Variants in C4orf50 observed in about 807,000 individuals in gnomAD.
The protein encoded by C4orf50 is chromosome 4 open reading frame 50.
In C4orf50, 80 loss-of-function variants were observed where a neutral mutation model predicts 77.2. The ratio of observed to expected loss-of-function variants is 1.04; its 90% CI spans 0.87 to 1.25. The LOEUF is 1.25. Ranked by LOEUF, C4orf50 falls within the 50% of genes most tolerant of loss-of-function variation. C4orf50 has a pLI of 0.00. For synonymous variants in C4orf50, 532 were observed against 465.3 expected (o/e 1.14, Z -1.84); for missense variants, 1,257 against 1,152.9 (o/e 1.09, Z -1.31).
At chr4:6,002,105 C>G (rs1279919008) in intron 25 of C4orf50, among the ~76,000 whole-genome samples, 1 of 152,130 alleles carries the variant, frequency 6.6e-6, no homozygotes, top group East Asian at 1.9e-4. Context: ...CAGATGTGAT[C>G]AAATTAAGGT....
chr4:5,979,245 C>A (rs1015367684), intron 29 of C4orf50, among the ~76,000 whole-genome samples: 1 of 152,100 alleles, frequency 6.6e-6, no homozygotes, highest in Non-Finnish European at 1.5e-5. Context: ...TAAAAATGTT[C>A]ATTGGAGCTG....
chr4:6,007,277 A>G lies in C4orf50; in HGVS notation c.963+719T>C, dbSNP rs533868888. 4.6e-5 allele frequency among the ~76,000 whole-genome samples: 7 copies of G among 152,270 alleles called. No homozygotes were observed. The highest frequency in any genetic ancestry group is 1.7e-4 in the African/African-American group (7 of 41,536). ...CCCACCACCACCAAATTTATGTGGA[A>G]ATCCTAATCCTCAATGTGAGGGTGT... On this transcript the variant is annotated intron_variant, in intron 25 of 33. Coordinates refer to ENST00000531445, the Ensembl canonical transcript of C4orf50. This position sits in a 1 kb window ranked among gnomAD's most constrained non-coding sequence, Gnocchi z 4.1.
At position 5,916,224 on chromosome 4, in the gene C4orf50, C is replaced by T. The variant is rs888664726; in HGVS notation, c.*2475-18036G>A. On this transcript the variant is annotated intron_variant, in intron 7 of 7. Coordinates refer to the C4orf50 transcript ENST00000324058. This position sits in a 1 kb window ranked among gnomAD's most constrained non-coding sequence, Gnocchi z 4.4. ...CCTCACTGGACAGGGAACAGACGCA[C>T]CAACAGCTCCTGGTTACTCTGGGGG... Among the ~76,000 whole-genome samples, 1 of 152,208 alleles carries T rather than the reference C, an allele frequency of 6.6e-6. No homozygotes were observed. The highest frequency in any genetic ancestry group is 6.5e-5 in the Admixed American group (1 of 15,286).
intron 31 of C4orf50, among the ~76,000 whole-genome samples, chr4:5,971,805 G>A (rs1348076656): frequency 6.6e-6 from 1 of 152,136 alleles, no homozygotes; most frequent in Non-Finnish European, 1.5e-5. Flanking sequence ...ATCATTCTCT[G>A]TAAGTTTGGT....
At chr4:5,979,267 C>T (rs1720442349) in intron 29 of C4orf50, among the ~76,000 whole-genome samples, 1 of 151,976 alleles carries the variant, frequency 6.6e-6, no homozygotes, top group Admixed American at 6.6e-5. Flanking sequence ...GTTTGTAATG[C>T]AAAGAAATGG....
rs948088478 is a variant in C4orf50, at chr4:5,905,537, C to A, written c.*2475-7349G>T. On this transcript the variant is annotated intron_variant, in intron 7 of 7. Coordinates refer to the C4orf50 transcript ENST00000324058. The surrounding 1 kb of genome is among the most constrained non-coding windows in gnomAD (Gnocchi z 5.4). Reference sequence around the variant, plus strand: ...ACATGAAGCCATCCACATGCACACACCTTTACGTCACTGGGAGACCCACTT... The same window carrying A: ...ACATGAAGCCATCCACATGCACACAACTTTACGTCACTGGGAGACCCACTT... 2 of 152,192 alleles carry A rather than the reference C, an allele frequency of 1.3e-5. No individual in the cohort carries two copies. Among genetic ancestry groups the A allele is most frequent in the South Asian group, 2.1e-4 (1 of 4,826 alleles). The allele number at this position is 152,192 out of a possible 1,614,324, so 9.4% of individuals were successfully genotyped here. A position where few individuals can be genotyped will look rare whatever the true frequency, so the allele number is the denominator to read the frequency against.
intron 7 of C4orf50, among the ~76,000 whole-genome samples, chr4:5,949,677 T>C (rs1378477343): frequency 2.0e-5 from 3 of 152,178 alleles, no homozygotes; most frequent in Non-Finnish European, 2.9e-5. Context: ...AATGGGAATG[T>C]AAATAAATGT....
chr4:5,920,475 C>CTTT (rs527939516), intron 7 of C4orf50, among the ~76,000 whole-genome samples: 4 of 128,978 alleles, frequency 3.1e-5, no homozygotes, highest in South Asian at 2.5e-4. Flanking sequence ...ATAAACATTG[C>CTTT]TTTTTTTTTT....
chr4:6,004,110 G>C (rs1722048573), intron 25 of C4orf50, among the ~76,000 whole-genome samples: 1 of 100,612 alleles, frequency 9.9e-6, no homozygotes, highest in African/African-American at 3.9e-5. Flanking sequence ...GATGGTGATG[G>C]TGATGATGGT....
intron 25 of C4orf50, among the ~76,000 whole-genome samples, chr4:6,004,265 G>T (rs373356129): frequency 3.0e-5 from 1 of 33,078 alleles, no homozygotes; most frequent in South Asian, 1.5e-3. Context: ...GATGGTGATG[G>T]TGGTGATGGT....
intron 32 of C4orf50, among the ~76,000 whole-genome samples, chr4:5,966,406 C>T (rs975251195): frequency 9.3e-5 from 14 of 150,360 alleles, no homozygotes; most frequent in Admixed American, 6.6e-4. Context: ...ACTGAGGAGA[C>T]GGAGGTTGCA....
At chr4:5,978,500 T>C (rs1196793546) in intron 29 of C4orf50, among the ~76,000 whole-genome samples, 1 of 152,198 alleles carries the variant, frequency 6.6e-6, no homozygotes, top group South Asian at 2.1e-4. Context: ...TAATTTCAAA[T>C]ATACTTAAAG....
At chr4:5,936,557 C>T (rs1577907510) in intron 7 of C4orf50, among the ~76,000 whole-genome samples, 1 of 83,590 alleles carries the variant, frequency 1.2e-5, no homozygotes, top group African/African-American at 6.1e-5. Flanking sequence ...GGCAAGACGC[C>T]ATCTCAAAAA....
rs868299362 is a variant in C4orf50 at position 6,011,592 on chromosome 4, C to T, written c.426+238G>A. ...CTCCTGTCCTCAGTCTGTGGCCTGG[C>T]GCTGAGGTCCTCAGGCACAAGAGCT... On this transcript the variant is annotated intron_variant, in intron 24 of 33. Transcript: ENST00000531445. This position sits in a 1 kb window ranked among gnomAD's most constrained non-coding sequence, Gnocchi z 4.2. Among the ~76,000 whole-genome samples the T allele has an allele frequency of 7.2e-5, 11 of 152,260 alleles. No individual in the cohort carries two copies. The highest frequency in any genetic ancestry group is 5.2e-4 in the Admixed American group (8 of 15,304).
chr4:6,013,945 T>C (rs2108814226), intron 23 of C4orf50, among the ~76,000 whole-genome samples: 1 of 152,190 alleles, frequency 6.6e-6, no homozygotes, highest in Middle Eastern at 3.4e-3. Context: ...AGGAACACTG[T>C]TCCCTGATTA....
chr4:5,952,454 G>C (rs569837042), downstream of C4orf50, among the ~76,000 whole-genome samples: 1 of 152,192 alleles, frequency 6.6e-6, no homozygotes, highest in African/African-American at 2.4e-5. The surrounding 1 kb of genome is among the most constrained non-coding windows in gnomAD (Gnocchi z 4.4). Context: ...AGGGCGAAGC[G>C]CATGAGCACT....
In C4orf50 at chr4:5,925,295, G is replaced by A. The variant is rs115441183; in HGVS notation, c.*2475-27107C>T. 5.9e-3 allele frequency among the ~76,000 whole-genome samples: 893 copies of A among 152,230 alleles called. 10 individuals carry two copies. Among genetic ancestry groups the A allele is most frequent in the Middle Eastern group, 0.01 (3 of 294 alleles). On this transcript the variant is annotated intron_variant, in intron 7 of 7. Transcript: ENST00000324058. ...GGTGTGGTGGGGGGTGGGCTCTAGT[G>A]GGGAGGGCTGTTGGGGGACCCCCAG...
rs115708600 is a variant in C4orf50, at chr4:6,016,580, T to A, written c.287+1565A>T. Among the ~76,000 whole-genome samples the A allele has an allele frequency of 8.1e-3, 1,230 of 152,106 alleles. 16 individuals are homozygous for A. Among genetic ancestry groups the A allele is most frequent in the African/African-American group, 0.028 (1,166 of 41,490 alleles). ...AAGCAAAATAAAAAACAAAAACAAA[T>A]TGGTTTTGTTGTAGGTTGCTTCACT... On this transcript the variant is annotated intron_variant, in intron 23 of 33. Transcript: ENST00000531445.
At chr4:5,996,968 T>G (rs1448814281) in intron 25 of C4orf50, among the ~76,000 whole-genome samples, 4 of 132,270 alleles carry the variant, frequency 3.0e-5, no homozygotes, top group African/African-American at 8.6e-5. Context: ...ATCATTGGAG[T>G]GTGAGAGGGA....
Sources: gnomAD v4.1 joint callset for allele counts (sites outside exome capture counted in the v4.1 genomes callset) on GRCh38, gnomAD v4.1.1 for gene constraint, Gnocchi (gnomAD v3.1) non-coding constraint, MANE v1.5 for transcripts, NCBI Gene and HGNC (gene_info 2026-07-23, HGNC 2026-07-21) for gene names.